Variants in TEAD4 observed in about 807,000 individuals in gnomAD.
The protein encoded by TEAD4 is transcriptional enhancer factor TEF-3.
In TEAD4, 36 loss-of-function variants were observed where a neutral mutation model predicts 52.4. The observed-to-expected ratio is 0.69, with a 90% CI of 0.53 to 0.91. The LOEUF (loss-of-function observed/expected upper bound fraction) is 0.91. Among genes scored for constraint, TEAD4 ranks in the 40% least tolerant of loss-of-function variants. The pLI is 0.00. For missense variants in TEAD4, 508 were observed against 583.9 expected (o/e 0.87, Z 1.34); for synonymous variants, 220 against 231.0 (o/e 0.95, Z 0.43).
At chr12:3,020,937 C>T (rs1010237127) in intron 9 of TEAD4, among the ~76,000 whole-genome samples, 164 bp downstream of exon 9, 5 of 152,030 alleles carry the variant, frequency 3.3e-5, no homozygotes, top group South Asian at 2.1e-4. Context: ...TCCTCCTTCA[C>T]GTCACCCCTC....
At chr12:2,995,058 G>A (rs2098246049) in intron 3 of TEAD4, 66 bp downstream of exon 3, 2 of 1,554,024 alleles carry the variant, frequency 1.3e-6, no homozygotes, top group South Asian at 2.4e-5. Flanking sequence ...CCAGAACCTT[G>A]GGGTTCCTGC....
At chr12:2,991,402 C>G (rs2098242875) in intron 2 of TEAD4, among the ~76,000 whole-genome samples, 1 of 152,176 alleles carries the variant, frequency 6.6e-6, no homozygotes, top group African/African-American at 2.4e-5. Flanking sequence ...TGGCTCACGC[C>G]TGTGATTTCA....
In TEAD4 at chr12:3,000,593, A is replaced by G. The variant is rs189420029; in HGVS notation, c.226+5601A>G. Among the ~76,000 whole-genome samples the G allele has an allele frequency of 3.2e-3, 481 of 152,268 alleles. 7 individuals carry two copies. In the South Asian group the frequency reaches 0.032, roughly 10 times the overall value. On this transcript the variant is annotated intron_variant, in intron 3 of 12. Transcript: ENST00000359864. ...TCACTCCTTAAAGGCCCACCTGTCC[A>G]TACTGCCACATGGGGGATTACATTT...
At chr12:3,040,014 C>T in intron 11 of TEAD4, 93 bp from the exon 12 acceptor site, 1 of 1,547,268 alleles carries the variant, frequency 6.5e-7, no homozygotes. Flanking sequence ...TAAGGGCCCC[C>T]AGGCTTTCTG....
intron 2 of TEAD4, among the ~76,000 whole-genome samples, chr12:2,969,872 G>T (rs1462073280): frequency 6.6e-6 from 1 of 152,194 alleles, no homozygotes; most frequent in Non-Finnish European, 1.5e-5. Flanking sequence ...GGCTATCAGT[G>T]CAGACTCCAG....
In TEAD4 at chr12:3,003,151, C is replaced by T. The variant is rs539065779; in HGVS notation, c.227-7853C>T. Among the ~76,000 whole-genome samples the T allele has an allele frequency of 2.6e-5, 4 of 152,234 alleles. No individual in the cohort carries two copies. In the South Asian group the frequency reaches 8.3e-4, roughly 32 times the overall value. Reference sequence around the variant, plus strand: ...ACAGGGGTGCAGTGTGGCACTTGCTCACTCCACCAGAGGCCTACAGTGAAC... The same window carrying T: ...ACAGGGGTGCAGTGTGGCACTTGCTTACTCCACCAGAGGCCTACAGTGAAC... On this transcript the variant is annotated intron_variant, in intron 3 of 12. Coordinates refer to ENST00000359864, the MANE Select transcript of TEAD4 (RefSeq NM_003213.4).
intron 2 of TEAD4, among the ~76,000 whole-genome samples, chr12:2,967,356 T>TA: frequency 6.6e-6 from 1 of 150,642 alleles, no homozygotes; most frequent in East Asian, 1.9e-4. Flanking sequence ...GTGCATGTCA[T>TA]AAAAAATACT....
intron 2 of TEAD4, among the ~76,000 whole-genome samples, chr12:2,990,008 A>G (rs1312415359): frequency 6.6e-6 from 1 of 152,048 alleles, no homozygotes; most frequent in East Asian, 1.9e-4. Context: ...TGGAATTCTG[A>G]TGTTGAATTG....
Position 3,029,382 on chromosome 12 carries a change from C to T in TEAD4, c.897+7365C>T, listed in dbSNP as rs182291470. 5.6e-3 allele frequency among the ~76,000 whole-genome samples: 858 copies of T among 152,006 alleles called. 7 individuals carry two copies. The highest frequency in any genetic ancestry group is 0.014 in the Middle Eastern group (4 of 294). ...CCTCCCAGGTAGCTGGGACTTCAGG[C>T]GCCCGCCACCACGCCCAGCTAATTT... On this transcript the variant is annotated intron_variant, in intron 10 of 12. Coordinates refer to ENST00000359864, the MANE Select transcript of TEAD4 (RefSeq NM_003213.4).
intron 3 of TEAD4, among the ~76,000 whole-genome samples, chr12:2,998,730 C>G (rs2098249258): frequency 6.6e-6 from 1 of 152,118 alleles, no homozygotes; most frequent in Non-Finnish European, 1.5e-5. Context: ...GAGTTTCTCC[C>G]AGTCTCTCAA....
At chr12:3,021,010 C>T (rs74054831) in intron 9 of TEAD4, among the ~76,000 whole-genome samples, 2,504 of 152,200 alleles carry the variant, frequency 0.016, 63 homozygotes, top group African/African-American at 0.057. Flanking sequence ...GCGTCACGCT[C>T]CTCCCTCCCT....
At chr12:2,960,485 AGAACTTTCAAACCCCAAAGT>A (rs2153951727) in intron 2 of TEAD4, 1 of 499,476 alleles carries the variant, frequency 2.0e-6, no homozygotes, top group East Asian at 1.5e-4. Context: ...TCCAGGGAGC[AGAACTTTCAAACCCCAAAGT>A]GAACATTTCC....
intron 2 of TEAD4, among the ~76,000 whole-genome samples, chr12:2,976,141 G>A (rs546697454): frequency 2.1e-4 from 32 of 151,898 alleles, no homozygotes; most frequent in Non-Finnish European, 4.1e-4. Flanking sequence ...GAGTAGCTGG[G>A]ACTACAGGCA....
intron 5 of TEAD4, among the ~76,000 whole-genome samples, chr12:3,015,744 C>G (rs2098264020): frequency 6.6e-6 from 1 of 151,286 alleles, no homozygotes; most frequent in Admixed American, 6.6e-5. Context: ...CAGCCTCGAC[C>G]TCCTGGGCTG....
rs1491443200 is a variant in TEAD4 at position 2,962,326 on chromosome 12, A to AT, written c.-30+2286_-30+2287insT. On this transcript the variant is annotated intron_variant, in intron 2 of 12. Transcript: ENST00000359864. ...AATATAAATATATAAATATATATAT[A>AT]AATATAAATATATATATATATTTTT... 3.9e-3 allele frequency among the ~76,000 whole-genome samples: 377 copies of AT among 96,522 alleles called. 5 individuals are homozygous for AT. Among genetic ancestry groups the AT allele is most frequent in the African/African-American group, 0.018 (345 of 19,236 alleles). The allele number at this position is 96,522 out of a possible 152,430, so 63.3% of individuals were successfully genotyped here. A position where few individuals can be genotyped will look rare whatever the true frequency, so the allele number is the denominator to read the frequency against.
chr12:3,012,093 G>C lies in TEAD4; in HGVS notation c.292-77G>C, dbSNP rs541566207. 57 of 1,478,724 alleles carry C rather than the reference G, an allele frequency of 3.9e-5. No individual in the cohort carries two copies. The Admixed American group carries it at 7.9e-4, about 21-fold the overall frequency. The allele number at this position is 1,478,724 out of a possible 1,614,324, so 91.6% of individuals were successfully genotyped here. ...CAGATGTGGGTTGAGGGCTGTGGAGGGCGAGAGTCAGGAAGCCAGGCTGGG... is the reference window on the plus strand; with the variant it reads ...CAGATGTGGGTTGAGGGCTGTGGAGCGCGAGAGTCAGGAAGCCAGGCTGGG... On this transcript the variant is annotated intron_variant, in intron 4 of 12. Coordinates refer to ENST00000359864, the MANE Select transcript of TEAD4 (RefSeq NM_003213.4).
At chr12:2,967,964 T>G (rs555425852) in intron 2 of TEAD4, among the ~76,000 whole-genome samples, 1 of 152,278 alleles carries the variant, frequency 6.6e-6, no homozygotes, top group East Asian at 1.9e-4. Context: ...TCTGGCCACA[T>G]TGGAAGCCAC....
chr12:3,037,548 C>G (rs2098280161), intron 10 of TEAD4, among the ~76,000 whole-genome samples: 2 of 152,178 alleles, frequency 1.3e-5, no homozygotes, highest in African/African-American at 2.4e-5. Context: ...CCTGCACTAT[C>G]AAAATTGACT....
intron 3 of TEAD4, among the ~76,000 whole-genome samples, chr12:3,000,842 G>A (rs772382518): frequency 1.3e-5 from 2 of 152,132 alleles, no homozygotes; most frequent in South Asian, 2.1e-4. Context: ...AGGCAGAACC[G>A]GGACCAGACT....
Sources: allele counts gnomAD v4.1 joint callset (sites outside exome capture counted in the v4.1 genomes callset), GRCh38; gene constraint gnomAD v4.1.1; transcripts MANE v1.5; gene names NCBI Gene and HGNC (gene_info 2026-07-23, HGNC 2026-07-21).